RPL11: variants seen among roughly 807,000 people sequenced by gnomAD.
RPL11 encodes ribosomal protein L11.
In RPL11, 3 loss-of-function variants were observed where a neutral mutation model predicts 24.1. The observed-to-expected ratio is 0.12, with a 90% CI of 0.06 to 0.32. The LOEUF is 0.32. Ranked by LOEUF, RPL11 falls within the 10% of genes least tolerant of loss-of-function variation. The probability of loss-of-function intolerance (pLI) is 1.00; values close to 1 mark genes in which losing one functional copy is unlikely to be tolerated. For missense variants in RPL11, 146 were observed against 225.7 expected (o/e 0.65, Z 2.26); for synonymous variants, 96 against 75.7 (o/e 1.27, Z -1.39).
At chr1:23,693,572 G>A (rs377445485) in intron 2 of RPL11, among the ~76,000 whole-genome samples, 5 of 152,308 alleles carry the variant, frequency 3.3e-5, no homozygotes, top group African/African-American at 9.6e-5. Flanking sequence ...GAACTTCGGC[G>A]TTATGACTGT....
In RPL11 at chr1:23,693,824, T is replaced by A. The variant is rs1173391586; in HGVS notation, c.175T>A (p.Ser59Thr). 2.5e-6 allele frequency: 4 copies of A among 1,614,094 alleles called. No individual in the cohort carries two copies. In the South Asian group the frequency reaches 3.3e-5, roughly 13 times the overall value. The change falls in exon 3 of 6, where the codon TCC (serine) becomes ACC (threonine). Residue 59 changes from serine to threonine, a missense_variant. Coordinates refer to ENST00000643754, the MANE Select transcript of RPL11 (RefSeq NM_000975.5). ...VFSKARYTVR[S>T]FGIRRNEKIA... Reference sequence around the variant, plus strand: ...TCCTGCAGCTAGATACACTGTCAGATCCTTTGGCATCCGGAGAAATGAAAA... The same window carrying A: ...TCCTGCAGCTAGATACACTGTCAGAACCTTTGGCATCCGGAGAAATGAAAA...
At position 23,692,617 on chromosome 1, in the gene RPL11, A is replaced by G. The variant is rs1162085692; in HGVS notation, c.15A>G (p.Gln5=). The change falls in exon 2 of 6, where the codon CAA becomes CAG. Residue 5 remains glutamine (Q), a synonymous_variant. Coordinates refer to ENST00000643754, the MANE Select transcript of RPL11 (RefSeq NM_000975.5). MAQD[Q]GEKENPMREL... ...GCTCTTCCCTGTTGCAGCAGGATCA[A>G]GGTGAAAAGGAGAACCCCATGCGGG... The G allele has an allele frequency of 6.2e-7, 1 of 1,614,180 alleles. No individual in the cohort carries two copies. Among genetic ancestry groups the G allele is most frequent in the South Asian group, 1.1e-5 (1 of 91,078 alleles).
intron 4 of RPL11, 55 bp downstream of exon 4, chr1:23,694,846 A>G: frequency 1.9e-6 from 3 of 1,612,180 alleles, no homozygotes; most frequent in Non-Finnish European, 2.5e-6. Flanking sequence ...GGGAATCTTT[A>G]TTTCATATGT....
At chr1:23,695,403 T>A (rs1644527346) in intron 4 of RPL11, 1 of 294,284 alleles carries the variant, frequency 3.4e-6, no homozygotes, top group South Asian at 3.5e-5. Flanking sequence ...GGGAAGCATT[T>A]TTGAGCTGAA....
chr1:23,692,683 G>A lies in RPL11; in HGVS notation c.81G>A (p.Gly27=). 1 of 1,614,158 alleles carries A rather than the reference G, an allele frequency of 6.2e-7. No homozygotes were observed. Among genetic ancestry groups the A allele is most frequent in the East Asian group, 2.2e-5 (1 of 44,888 alleles). The change falls in exon 2 of 6, where the codon GGG becomes GGA. Residue 27 remains glycine (G), a synonymous_variant. Coordinates refer to ENST00000643754, the MANE Select transcript of RPL11 (RefSeq NM_000975.5). ...IRKLCLNICV[G]ESGDRLTRAA... ...AACTCTGTCTCAACATCTGTGTTGG[G>A]GAGAGTGGAGACAGACTGACGCGAG...
chr1:23,694,214 A>G (rs1171385506), intron 3 of RPL11, among the ~76,000 whole-genome samples: 3 of 151,910 alleles, frequency 2.0e-5, no homozygotes, highest in African/African-American at 7.3e-5. Flanking sequence ...CATCTCTACT[A>G]AAAAAAGATA....
chr1:23,696,746 C>G lies in RPL11; in HGVS notation c.*373C>G. Reference sequence around the variant, plus strand: ...CCCCCTGCTATTCAGTGATTCTGTTCTGTACTAGAAATTTTATCAGCATTG... The same window carrying G: ...CCCCCTGCTATTCAGTGATTCTGTTGTGTACTAGAAATTTTATCAGCATTG... On this transcript the variant is annotated 3_prime_UTR_variant, in exon 6 of 6. Transcript: ENST00000643754. 2.8e-6 allele frequency: 1 copy of G among 352,770 alleles called. No individual in the cohort carries two copies. Among genetic ancestry groups the G allele is most frequent in the South Asian group, 2.7e-5 (1 of 37,242 alleles). 21.9% of individuals were successfully genotyped at this position (352,770 alleles called of 1,614,324 possible).
chr1:23,692,903 T>C, intron 2 of RPL11, 144 bp downstream of exon 2: 3 of 730,856 alleles, frequency 4.1e-6, no homozygotes, highest in Non-Finnish European at 6.1e-6. Context: ...GAGGTGTCTT[T>C]TTTTTTTTTT....
At chr1:23,692,564 G>A in intron 1 of RPL11, 45 bp from the exon 2 acceptor site, 1 of 1,613,026 alleles carries the variant, frequency 6.2e-7, no homozygotes. Context: ...AAAACTCAGG[G>A]CCCTCAGCTG....
Position 23,692,647 on chromosome 1 carries a change from T to C in RPL11, c.45T>C (p.Leu15=), listed in dbSNP as rs749999001. The C allele has an allele frequency of 6.2e-7, 1 of 1,614,172 alleles. No homozygotes were observed. The highest frequency in any genetic ancestry group is 8.5e-7 in the Non-Finnish European group (1 of 1,180,026). The change falls in exon 2 of 6, where the codon CTT becomes CTC. Residue 15 remains leucine, a synonymous_variant. Coordinates refer to ENST00000643754, the MANE Select transcript of RPL11 (RefSeq NM_000975.5). ...QGEKENPMRE[L]RIRKLCLNIC... The stretch of plus-strand genomic sequence containing the variant: ...AAAAGGAGAACCCCATGCGGGAACT[T>C]CGCATCCGCAAACTCTGTCTCAACA...
chr1:23,692,820 T>A, intron 2 of RPL11, 61 bp downstream of exon 2: 1 of 1,604,498 alleles, frequency 6.2e-7, no homozygotes, highest in Non-Finnish European at 8.5e-7. Flanking sequence ...GTTTCTTGAT[T>A]TACCTGCTGT....
At position 23,695,473 on chromosome 1, in the gene RPL11, T is replaced by C. The variant is rs80120310; in HGVS notation, c.397-325T>C. ...CAGAGTTGTATGTTTTCTACACTGC[T>C]GGTGTGGCAATAGATTTTTAAATGT... is the stretch of plus-strand genomic sequence containing the variant. On this transcript the variant is annotated intron_variant, in intron 4 of 5. Coordinates refer to ENST00000643754, the MANE Select transcript of RPL11 (RefSeq NM_000975.5). 9.8e-3 allele frequency: 3,697 copies of C among 378,452 alleles called. 113 individuals carry two copies. Among genetic ancestry groups the C allele is most frequent in the African/African-American group, 0.068 (3,244 of 48,044 alleles). 23.4% of individuals were successfully genotyped at this position (378,452 alleles called of 1,614,324 possible).
intron 2 of RPL11, 77 bp downstream of exon 2, chr1:23,692,836 C>G (rs1375135589): frequency 2.5e-6 from 4 of 1,584,440 alleles, no homozygotes; most frequent in Non-Finnish European, 2.6e-6. Flanking sequence ...GCTGTCGAGT[C>G]TGTTTAGAAA....
chr1:23,694,700 C>T lies in RPL11; in HGVS notation c.305C>T (p.Thr102Ile). The change falls in exon 4 of 6, where the codon ACT becomes ATT. Residue 102 changes from threonine to isoleucine, a missense_variant. Coordinates refer to ENST00000643754, the MANE Select transcript of RPL11 (RefSeq NM_000975.5). ...TTAAGAAAAAACAACTTCTCAGATA[C>T]TGGAAACTTTGGTTTTGGGATCCAG... is the stretch of plus-strand genomic sequence containing the variant. ...YELRKNNFSD[T>I]GNFGFGIQEH... 6.2e-7 allele frequency: 1 copy of T among 1,614,150 alleles called. No individual in the cohort carries two copies. The highest frequency in any genetic ancestry group is 8.5e-7 in the Non-Finnish European group (1 of 1,180,008).
chr1:23,693,923 A>C lies in RPL11; in HGVS notation c.264+10A>C, dbSNP rs1644517699. ...GGAGAAGGGTCTAAAGGTGAGCCTAATCCCCTAATGGAGTGATATTGATCA... is the reference window on the plus strand; with the variant it reads ...GGAGAAGGGTCTAAAGGTGAGCCTACTCCCCTAATGGAGTGATATTGATCA... On this transcript the variant is annotated intron_variant, in intron 3 of 5. Transcript: ENST00000643754. 1 of 1,596,058 alleles carries C rather than the reference A, an allele frequency of 6.3e-7. No individual in the cohort carries two copies. The highest frequency in any genetic ancestry group is 8.6e-7 in the Non-Finnish European group (1 of 1,163,638).
chr1:23,693,638 A>C (rs141716597), intron 2 of RPL11, among the ~76,000 whole-genome samples, 169 bp from the exon 3 acceptor site: 1 of 152,220 alleles, frequency 6.6e-6, no homozygotes, highest in African/African-American at 2.4e-5. Context: ...TGTGCTGTGG[A>C]TGAAATCTTA....
intron 5 of RPL11, 96 bp downstream of exon 5, chr1:23,696,004 A>G: frequency 8.3e-7 from 1 of 1,205,302 alleles, no homozygotes; most frequent in Non-Finnish European, 1.2e-6. Context: ...TTTGCTGGGT[A>G]TCTTCTTTAA....
chr1:23,693,736 G>T (rs1221372983), intron 2 of RPL11, 71 bp from the exon 3 acceptor site: 9 of 996,798 alleles, frequency 9.0e-6, no homozygotes, highest in Non-Finnish European at 1.5e-5. Flanking sequence ...CATGGAGATG[G>T]TGTTCTGGGA....
In RPL11 at chr1:23,695,155, C is replaced by T. The variant is rs536724968; in HGVS notation, c.396+364C>T. The T allele has an allele frequency of 1.3e-3, 490 of 363,634 alleles. 3 individuals are homozygous for T. The highest frequency in any genetic ancestry group is 8.7e-3 in the African/African-American group (412 of 47,532). The allele number at this position is 363,634 out of a possible 1,614,324, so 22.5% of individuals were successfully genotyped here. On this transcript the variant is annotated intron_variant, in intron 4 of 5. Transcript: ENST00000643754. ...GGTTGGCTGCACTGAGGCTGTTCTC[C>T]CCCTGGTTCTTCCTATAGAAACAGC... is the stretch of plus-strand genomic sequence containing the variant.
Sources: allele counts gnomAD v4.1 joint callset (sites outside exome capture counted in the v4.1 genomes callset), GRCh38; gene constraint gnomAD v4.1.1; transcripts MANE v1.5; gene names NCBI Gene and HGNC (gene_info 2026-07-23, HGNC 2026-07-21).